The following STK32B variants were observed in gnomAD, a reference collection of about 807,000 sequenced individuals.
STK32B encodes serine/threonine-protein kinase 32B.
Under a neutral mutation model 52.6 loss-of-function variants are expected in STK32B, and 43 were observed. The observed-to-expected ratio is 0.82, with a 90% CI of 0.64 to 1.05. The LOEUF (loss-of-function observed/expected upper bound fraction) is 1.05. Ranked by LOEUF, STK32B falls within the 50% of genes least tolerant of loss-of-function variation. The pLI is 0.00. For synonymous variants in STK32B, 238 were observed against 204.3 expected, an observed-to-expected ratio of 1.17 and a Z score of -1.41; for missense variants, 621 against 534.6, an observed-to-expected ratio of 1.16 and a Z score of -1.59.
intron 4 of STK32B, among the ~76,000 whole-genome samples, chr4:5,359,265 A>G (rs1324017337): frequency 6.6e-6 from 1 of 152,076 alleles, no homozygotes; most frequent in South Asian, 2.1e-4. Flanking sequence ...CTCATGCTCA[A>G]CCTGACAGCT....
Position 5,208,651 on chromosome 4 carries a change from GCTTGAACC to G in STK32B, c.260+40202_260+40209del, listed in dbSNP as rs543610238. ...GTACCCCAAGGACTCATATCTCCCTGCTTGAACCTTGGATTTCCACCCATGTCATCCTC... is the reference window on the plus strand; with the variant it reads ...GTACCCCAAGGACTCATATCTCCCTGTTGGATTTCCACCCATGTCATCCTC... On this transcript the variant is annotated intron_variant, in intron 3 of 11. Transcript: ENST00000282908. Among the ~76,000 whole-genome samples, 184 of 152,144 alleles carry G rather than the reference GCTTGAACC, an allele frequency of 1.2e-3. 2 individuals are homozygous for G. Among genetic ancestry groups the G allele is most frequent in the African/African-American group, 4.3e-3 (180 of 41,518 alleles).
intron 3 of STK32B, among the ~76,000 whole-genome samples, chr4:5,286,113 G>A (rs1028507651): frequency 2.0e-5 from 3 of 152,112 alleles, no homozygotes; most frequent in Non-Finnish European, 4.4e-5. Flanking sequence ...TGCACTTGCA[G>A]CCTCCAGAAC....
chr4:5,074,214 G>A (rs964750573), intron 1 of STK32B, among the ~76,000 whole-genome samples: 3 of 151,606 alleles, frequency 2.0e-5, no homozygotes, highest in Non-Finnish European at 2.9e-5. Context: ...GTGTGTGCGC[G>A]TGCGTGAAAT....
chr4:5,266,756 C>G (rs1173035810), intron 3 of STK32B, among the ~76,000 whole-genome samples: 1 of 152,100 alleles, frequency 6.6e-6, no homozygotes, highest in African/African-American at 2.4e-5. Flanking sequence ...TTTAGCAATT[C>G]CCCTTGGCCT....
intron 1 of STK32B, among the ~76,000 whole-genome samples, chr4:5,091,267 G>GAC (rs1293146490): frequency 6.6e-6 from 1 of 151,936 alleles, no homozygotes; most frequent in Non-Finnish European, 1.5e-5. Flanking sequence ...TGCATCGAAG[G>GAC]ACACTATCAA....
intron 9 of STK32B, among the ~76,000 whole-genome samples, chr4:5,463,368 TTG>T (rs1167316484): frequency 1.3e-5 from 2 of 152,192 alleles, no homozygotes; most frequent in Non-Finnish European, 2.9e-5. Context: ...CTTTGCCATA[TTG>T]TGTGCCTGAG....
intron 11 of STK32B, among the ~76,000 whole-genome samples, chr4:5,488,456 G>C (rs546537456): frequency 6.6e-6 from 1 of 151,922 alleles, no homozygotes; most frequent in African/African-American, 2.4e-5. Context: ...TTTTTTTTTA[G>C]TTTTTTACTA....
chr4:5,315,673 T>C (rs1730624116), intron 3 of STK32B, among the ~76,000 whole-genome samples: 1 of 124,514 alleles, frequency 8.0e-6, no homozygotes, highest in Admixed American at 7.1e-5. Flanking sequence ...ATTTTTTCTT[T>C]TTCTTTTTCT....
chr4:5,304,469 T>A (rs1729786492), intron 3 of STK32B, among the ~76,000 whole-genome samples: 1 of 151,908 alleles, frequency 6.6e-6, no homozygotes, highest in Admixed American at 6.6e-5. Context: ...GAGTTCTTGA[T>A]TTGATTCTCA....
chr4:5,370,996 G>GTGTGTGTGTA lies in STK32B; in HGVS notation c.435-27210_435-27209insGTGTGTGTAT, dbSNP rs570241863. Reference sequence around the variant, plus strand: ...TAAATATATATATATGTGTGTGTGTGTATATATATATATATGTATATATAT... The same window carrying GTGTGTGTGTA: ...TAAATATATATATATGTGTGTGTGTGTGTGTGTGTATATATATATATATATGTATATATAT... On this transcript the variant is annotated intron_variant, in intron 4 of 11. Coordinates refer to ENST00000282908, the MANE Select transcript of STK32B (RefSeq NM_018401.3). 5.9e-3 allele frequency among the ~76,000 whole-genome samples: 836 copies of GTGTGTGTGTA among 141,100 alleles called. 10 individuals carry two copies. Among genetic ancestry groups the GTGTGTGTGTA allele is most frequent in the African/African-American group, 0.02 (737 of 37,674 alleles). 92.6% of individuals were successfully genotyped at this position (141,100 alleles called of 152,430 possible).
intron 4 of STK32B, among the ~76,000 whole-genome samples, chr4:5,334,136 A>C (rs997997627): frequency 2.6e-5 from 4 of 151,620 alleles, no homozygotes; most frequent in African/African-American, 9.7e-5. Context: ...ATTTCTTTGT[A>C]TCCTCTTTTA....
At chr4:5,340,160 C>T (rs1732980131) in intron 4 of STK32B, among the ~76,000 whole-genome samples, 1 of 152,106 alleles carries the variant, frequency 6.6e-6, no homozygotes, top group Non-Finnish European at 1.5e-5. Context: ...TGTACCAGCT[C>T]CTGGGAAGAA....
intron 3 of STK32B, among the ~76,000 whole-genome samples, chr4:5,168,807 A>AG (rs2108737159): frequency 1.3e-5 from 2 of 152,336 alleles, no homozygotes; most frequent in African/African-American, 4.8e-5. Flanking sequence ...AGCTGATGGC[A>AG]GGAAGGGCAA....
Position 5,058,683 on chromosome 4 carries a change from C to G in STK32B, c.52+6768C>G, listed in dbSNP as rs952096665. Among the ~76,000 whole-genome samples, 4 of 152,174 alleles carry G rather than the reference C, an allele frequency of 2.6e-5. No homozygotes were observed. Among genetic ancestry groups the G allele is most frequent in the Admixed American group, 2.6e-4 (4 of 15,288 alleles). On this transcript the variant is annotated intron_variant, in intron 1 of 11. Transcript: ENST00000282908. The surrounding 1 kb of genome is among the most constrained non-coding windows in gnomAD (Gnocchi z 4.8). ...GCTCAAGCAATCCTCCTGTGTCAGCCTACAAAGTAGACCATAGGAACACAC... is the reference window on the plus strand; with the variant it reads ...GCTCAAGCAATCCTCCTGTGTCAGCGTACAAAGTAGACCATAGGAACACAC...
chr4:5,397,537 A>G (rs1736998260), intron 4 of STK32B, among the ~76,000 whole-genome samples: 1 of 152,220 alleles, frequency 6.6e-6, no homozygotes, highest in African/African-American at 2.4e-5. Context: ...GTGGGTCACT[A>G]TGTTACCCTT....
At chr4:5,091,441 A>T (rs1263482585) in intron 1 of STK32B, among the ~76,000 whole-genome samples, 5 of 152,218 alleles carry the variant, frequency 3.3e-5, no homozygotes, top group Non-Finnish European at 7.3e-5. Flanking sequence ...TCTCAAAAGA[A>T]TATATACAAA....
At chr4:5,243,393 G>A (rs1577235316) in intron 3 of STK32B, among the ~76,000 whole-genome samples, 1 of 152,162 alleles carries the variant, frequency 6.6e-6, no homozygotes, top group East Asian at 1.9e-4. Context: ...TGTTATTGGT[G>A]TATAAGAATG....
intron 5 of STK32B, among the ~76,000 whole-genome samples, chr4:5,406,443 G>A (rs1737677277): frequency 6.6e-6 from 1 of 152,080 alleles, no homozygotes; most frequent in Non-Finnish European, 1.5e-5. Flanking sequence ...ACTTTCTGTG[G>A]GGGCTCCAAC....
chr4:5,453,041 A>C lies in STK32B; in HGVS notation c.667-3766A>C, dbSNP rs1459734001. The stretch of plus-strand genomic sequence containing the variant: ...AACCTACGTTTCTCTACAACCACTC[A>C]AACAGATGACGGCTGAACCTGGTGC... On this transcript the variant is annotated intron_variant, in intron 7 of 11. Coordinates refer to ENST00000282908, the MANE Select transcript of STK32B (RefSeq NM_018401.3). This position sits in a 1 kb window ranked among gnomAD's most constrained non-coding sequence, Gnocchi z 4.0. Among the ~76,000 whole-genome samples, 2 of 152,088 alleles carry C rather than the reference A, an allele frequency of 1.3e-5. No individual in the cohort carries two copies. The highest frequency in any genetic ancestry group is 2.9e-5 in the Non-Finnish European group (2 of 68,032).
Sources: gnomAD v4.1 joint callset for allele counts (sites outside exome capture counted in the v4.1 genomes callset) on GRCh38, gnomAD v4.1.1 for gene constraint, Gnocchi (gnomAD v3.1) non-coding constraint, MANE v1.5 for transcripts, NCBI Gene and HGNC (gene_info 2026-07-23, HGNC 2026-07-21) for gene names.